Variants in CPA6 observed in about 807,000 individuals in gnomAD.
CPA6 encodes the protein carboxypeptidase B.
Under a neutral mutation model 63.3 loss-of-function variants are expected in CPA6, and 58 were observed. The ratio of observed to expected loss-of-function variants is 0.92; its 90% confidence interval spans 0.74 to 1.14. The LOEUF (loss-of-function observed/expected upper bound fraction) is 1.14, where lower values mean the gene tolerates loss of function less well. CPA6 is among the 50% of genes most tolerant of loss of function. The pLI, the probability that CPA6 is intolerant of heterozygous loss-of-function variation, is 0.00. For synonymous variants in CPA6, 185 were observed against 179.0 expected, an observed-to-expected ratio of 1.03 and a Z score of -0.27; for missense variants, 565 against 526.6, an observed-to-expected ratio of 1.07 and a Z score of -0.71.
chr8:67,508,612 C>T (rs1811980731), intron 5 of CPA6, among the ~76,000 whole-genome samples: 1 of 151,986 alleles, frequency 6.6e-6, no homozygotes, highest in Non-Finnish European at 1.5e-5. Flanking sequence ...CCCAGATGGT[C>T]AGAGAGACAG....
At chr8:67,659,674 C>T (rs994536743) in intron 1 of CPA6, among the ~76,000 whole-genome samples, 1 of 152,182 alleles carries the variant, frequency 6.6e-6, no homozygotes, top group African/African-American at 2.4e-5. Context: ...ATTTGCAAAA[C>T]TGCCCTGAGG....
chr8:67,545,283 A>G (rs1587543293), intron 2 of CPA6, among the ~76,000 whole-genome samples: 5 of 152,252 alleles, frequency 3.3e-5, no homozygotes, highest in Non-Finnish European at 2.9e-5. Flanking sequence ...ATAAACCCCA[A>G]TGCTCCTCCC....
chr8:67,448,656 G>GAAAAAAAAAAAAAAAAAAA (rs1810485855), intron 8 of CPA6, among the ~76,000 whole-genome samples: 2 of 68,788 alleles, frequency 2.9e-5, no homozygotes, highest in African/African-American at 8.9e-5. Flanking sequence ...AAAAAAAAAG[G>GAAAAAAAAAAAAAAAAAAA]AAAGAACGAA....
intron 9 of CPA6, among the ~76,000 whole-genome samples, chr8:67,431,130 C>CT (rs1810018564): frequency 6.6e-6 from 1 of 152,188 alleles, no homozygotes; most frequent in African/African-American, 2.4e-5. Context: ...TCCCAAAGTG[C>CT]TGGGATTATA....
At chr8:67,513,584 C>T (rs1812084818) in intron 3 of CPA6, among the ~76,000 whole-genome samples, 1 of 152,188 alleles carries the variant, frequency 6.6e-6, no homozygotes, top group Admixed American at 6.5e-5. Context: ...GTCTGTGGTA[C>T]TTTGTTATGG....
chr8:67,514,993 A>T (rs1812113208), intron 3 of CPA6, among the ~76,000 whole-genome samples: 1 of 152,218 alleles, frequency 6.6e-6, no homozygotes, highest in African/African-American at 2.4e-5. Flanking sequence ...CTGGCAGGGC[A>T]GTCTCTGTGT....
chr8:67,454,441 G>C (rs1334163303), intron 8 of CPA6, among the ~76,000 whole-genome samples: 1 of 152,172 alleles, frequency 6.6e-6, no homozygotes, highest in Non-Finnish European at 1.5e-5. Context: ...CAAGAGAGCA[G>C]AAGGCTACAG....
intron 10 of CPA6, among the ~76,000 whole-genome samples, chr8:67,425,878 ATTTCT>A (rs930159384): frequency 2.0e-5 from 3 of 149,920 alleles, no homozygotes; most frequent in Non-Finnish European, 4.4e-5. Flanking sequence ...TGACAGCCTC[ATTTCT>A]TTTTCTTTTT....
chr8:67,552,069 T>TA (rs1279837084), intron 2 of CPA6, among the ~76,000 whole-genome samples: 1 of 152,204 alleles, frequency 6.6e-6, no homozygotes, highest in Non-Finnish European at 1.5e-5. Context: ...AACACGCTGT[T>TA]AAAAAATTCT....
chr8:67,661,793 C>T (rs967918079), intron 1 of CPA6, among the ~76,000 whole-genome samples: 1 of 152,190 alleles, frequency 6.6e-6, no homozygotes, highest in African/African-American at 2.4e-5. Context: ...CCCTGGCAAC[C>T]ACTATTCTAC....
chr8:67,611,145 C>T (rs1814797809), intron 2 of CPA6, among the ~76,000 whole-genome samples: 1 of 150,976 alleles, frequency 6.6e-6, no homozygotes, highest in Admixed American at 6.6e-5. Context: ...TGCAGTGGTG[C>T]AATGCCGGCT....
chr8:67,691,953 T>C (rs760287055), intron 1 of CPA6, among the ~76,000 whole-genome samples: 29 of 152,332 alleles, frequency 1.9e-4, no homozygotes, highest in Non-Finnish European at 3.1e-4. Flanking sequence ...GAGAATAACT[T>C]CCTTATGAGC....
chr8:67,587,288 C>A (rs560367625), intron 2 of CPA6, among the ~76,000 whole-genome samples: 2 of 152,254 alleles, frequency 1.3e-5, no homozygotes, highest in South Asian at 4.2e-4. Context: ...GTAATTGACA[C>A]TCCTGATGTG....
chr8:67,442,999 CCTT>C (rs1313201904), intron 8 of CPA6, among the ~76,000 whole-genome samples: 2 of 152,100 alleles, frequency 1.3e-5, no homozygotes, highest in African/African-American at 2.4e-5. Flanking sequence ...CCAGCCCCAT[CCTT>C]CTTTTCCCTC....
chr8:67,681,225 C>T (rs1245111100), intron 1 of CPA6, among the ~76,000 whole-genome samples: 2 of 45,332 alleles, frequency 4.4e-5, no homozygotes, highest in African/African-American at 7.1e-4. Flanking sequence ...TTTTTTGAGA[C>T]GGAGTCTCGC....
intron 8 of CPA6, among the ~76,000 whole-genome samples, chr8:67,461,668 G>A (rs1410437165): frequency 5.9e-5 from 9 of 152,020 alleles, no homozygotes; most frequent in African/African-American, 2.2e-4. Context: ...CCTCCCGGAC[G>A]GGGCGGCTGG....
At chr8:67,500,716 G>T (rs1811814279) in intron 6 of CPA6, among the ~76,000 whole-genome samples, 1 of 148,050 alleles carries the variant, frequency 6.8e-6, no homozygotes, top group Non-Finnish European at 1.5e-5. Flanking sequence ...TAATTTTTTT[G>T]TATATGGTAT....
chr8:67,668,332 C>T (rs1350203840), intron 1 of CPA6, among the ~76,000 whole-genome samples: 5 of 152,124 alleles, frequency 3.3e-5, no homozygotes, highest in Non-Finnish European at 4.4e-5. Context: ...AAAATATATT[C>T]GCACTCAATA....
At chr8:67,713,953 A>G (rs535397450) in intron 1 of CPA6, among the ~76,000 whole-genome samples, 3 of 152,318 alleles carry the variant, frequency 2.0e-5, no homozygotes, top group Non-Finnish European at 4.4e-5. Flanking sequence ...TGACTGTTAA[A>G]AGCCAGATAT....
Sources: gnomAD v4.1 joint callset for allele counts (sites outside exome capture counted in the v4.1 genomes callset) on GRCh38, gnomAD v4.1.1 for gene constraint, MANE v1.5 for transcripts, NCBI Gene and HGNC (gene_info 2026-07-23, HGNC 2026-07-21) for gene names.